The following USH2A variants were observed in gnomAD, a reference collection of about 807,000 sequenced individuals.
The protein encoded by USH2A is usherin.
Under a neutral mutation model 538.9 loss-of-function variants are expected in USH2A, and 443 were observed. The ratio of observed to expected loss-of-function variants is 0.82; its 90% CI spans 0.76 to 0.89. The LOEUF (loss-of-function observed/expected upper bound fraction) is 0.89, where lower values mean the gene tolerates loss of function less well. Ranked by LOEUF, USH2A falls within the 40% of genes least tolerant of loss-of-function variation. The pLI is 0.00. For missense variants in USH2A, 6,633 were observed against 6,324.8 expected, an observed-to-expected ratio of 1.05 and a Z score of -1.65; for synonymous variants, 2,413 against 2,273.5, an observed-to-expected ratio of 1.06 and a Z score of -1.75.
chr1:216,111,319 C>T (rs1359741999), intron 21 of USH2A, among the ~76,000 whole-genome samples: 2 of 152,122 alleles, frequency 1.3e-5, no homozygotes, highest in Non-Finnish European at 2.9e-5. Flanking sequence ...AAGAAAGTAT[C>T]AAACCAAAGT....
intron 11 of USH2A, among the ~76,000 whole-genome samples, chr1:216,266,281 CA>C (rs2036471405): frequency 2.0e-5 from 3 of 152,020 alleles, no homozygotes. Context: ...TCTCATGAAG[CA>C]TTCAAATTCC....
intron 37 of USH2A, among the ~76,000 whole-genome samples, chr1:215,943,761 GC>G (rs1666693344): frequency 6.6e-6 from 1 of 152,144 alleles, no homozygotes; most frequent in African/African-American, 2.4e-5. Flanking sequence ...GAAGGCATAA[GC>G]TGGTCTGGGC....
intron 4 of USH2A, among the ~76,000 whole-genome samples, chr1:216,363,431 TAGTA>T (rs1233163456): frequency 6.6e-6 from 1 of 151,998 alleles, no homozygotes; most frequent in African/African-American, 2.4e-5. Context: ...GCCATATAGC[TAGTA>T]AGTGAGGAAA....
At chr1:216,001,835 A>G (rs1668271476) in intron 32 of USH2A, among the ~76,000 whole-genome samples, 1 of 152,186 alleles carries the variant, frequency 6.6e-6, no homozygotes, top group African/African-American at 2.4e-5. Flanking sequence ...TCACTAGAAG[A>G]GAGATTAAAA....
At chr1:215,640,847 A>AC in intron 67 of USH2A, 113 bp from the exon 68 acceptor site, 4 of 543,740 alleles carry the variant, frequency 7.4e-6, no homozygotes, top group African/African-American at 2.0e-5. Flanking sequence ...ATCCAAACAA[A>AC]AAAAAAAAAA....
chr1:216,152,786 C>T (rs2033865684), intron 21 of USH2A, among the ~76,000 whole-genome samples: 1 of 152,178 alleles, frequency 6.6e-6, no homozygotes, highest in South Asian at 2.1e-4. Flanking sequence ...AGGCCCCACC[C>T]TGAAGCCTGG....
At chr1:216,121,830 A>C (rs2033144539) in intron 21 of USH2A, among the ~76,000 whole-genome samples, 1 of 152,192 alleles carries the variant, frequency 6.6e-6, no homozygotes, top group Admixed American at 6.5e-5. Flanking sequence ...TCATTATAAC[A>C]GTGGATATTG....
intron 21 of USH2A, among the ~76,000 whole-genome samples, chr1:216,113,494 T>C (rs1181079567): frequency 6.6e-6 from 1 of 152,172 alleles, no homozygotes; most frequent in Non-Finnish European, 1.5e-5. Context: ...CCAACTAGTA[T>C]TCGATAGATT....
At chr1:216,271,870 T>C (rs2036582911) in intron 11 of USH2A, among the ~76,000 whole-genome samples, 1 of 152,148 alleles carries the variant, frequency 6.6e-6, no homozygotes, top group African/African-American at 2.4e-5. Flanking sequence ...TCCAATCAGC[T>C]ATGATGCATT....
chr1:216,081,908 A>AT (rs560434576), intron 26 of USH2A, among the ~76,000 whole-genome samples: 11,721 of 147,162 alleles, frequency 0.08, 686 homozygotes, highest in African/African-American at 0.16. Flanking sequence ...TAATTTTTTA[A>AT]TTTTTTTTTT....
At chr1:215,925,225 G>A (rs924321760) in intron 38 of USH2A, among the ~76,000 whole-genome samples, 3 of 152,094 alleles carry the variant, frequency 2.0e-5, no homozygotes, top group Non-Finnish European at 2.9e-5. Flanking sequence ...GCATGTTTAA[G>A]ACAGTCATAA....
chr1:216,196,588 A>G lies in USH2A; in HGVS notation c.4216T>C (p.Ser1406Pro). ...GYDINMLSEQ[S>P]PQQSIPMAFS... Reference sequence around the variant, plus strand: ...GCCATGGGAATAGACTGTTGAGGTGATTGTTCAGAAAGCATATTGATGTCA... The same window carrying G: ...GCCATGGGAATAGACTGTTGAGGTGGTTGTTCAGAAAGCATATTGATGTCA... Residue 1406 changes from serine to proline, a missense_variant, in exon 19 of 72, where the codon TCA becomes CCA. Physicochemically the swap from Ser to Pro is moderately conservative, Grantham distance 74. Transcript: ENST00000307340. The G allele has an allele frequency of 6.2e-7, 1 of 1,613,580 alleles. No homozygotes were observed.
intron 37 of USH2A, among the ~76,000 whole-genome samples, chr1:215,947,045 T>A (rs1200749577): frequency 1.7e-5 from 1 of 57,336 alleles, no homozygotes; most frequent in Admixed American, 2.3e-4. Flanking sequence ...TATATTACTT[T>A]TTTTTTTTTT....
intron 4 of USH2A, among the ~76,000 whole-genome samples, chr1:216,355,320 A>AAAGAAAGAAAGAAAGG (rs2038366628): frequency 5.2e-5 from 3 of 58,176 alleles, no homozygotes; most frequent in African/African-American, 1.3e-4. Context: ...AGAAAGAAAG[A>AAAGAAAGAAAGAAAGG]AAGAAAGAAA....
intron 49 of USH2A, among the ~76,000 whole-genome samples, chr1:215,806,913 G>T (rs902644570): frequency 4.6e-5 from 7 of 151,932 alleles, no homozygotes; most frequent in Non-Finnish European, 1.0e-4. Flanking sequence ...TTTCACTTGT[G>T]ACAGTTATTC....
intron 30 of USH2A, among the ~76,000 whole-genome samples, chr1:216,060,847 C>T (rs1314968775): frequency 6.6e-6 from 1 of 152,202 alleles, no homozygotes; most frequent in Middle Eastern, 3.2e-3. Flanking sequence ...AAGTCAGTTT[C>T]TGAGCAGTCC....
intron 12 of USH2A, among the ~76,000 whole-genome samples, chr1:216,249,966 G>A (rs1291482766): frequency 6.6e-6 from 1 of 151,938 alleles, no homozygotes. Flanking sequence ...GAAAAACCAT[G>A]GATGACTTGG....
chr1:215,839,426 A>T (rs1183084609), intron 46 of USH2A, among the ~76,000 whole-genome samples: 1 of 152,184 alleles, frequency 6.6e-6, no homozygotes, highest in African/African-American at 2.4e-5. Context: ...CAGAGAAGCC[A>T]GGGAATATTG....
chr1:216,273,233 G>A (rs2036608343), intron 11 of USH2A, among the ~76,000 whole-genome samples: 1 of 151,998 alleles, frequency 6.6e-6, no homozygotes, highest in African/African-American at 2.4e-5. Context: ...TTTGAAAATG[G>A]GCGACTGAAA....
Sources: allele counts gnomAD v4.1 joint callset (sites outside exome capture counted in the v4.1 genomes callset), GRCh38; gene constraint gnomAD v4.1.1; transcripts MANE v1.5; gene names NCBI Gene and HGNC (gene_info 2026-07-23, HGNC 2026-07-21).